Variants in COL12A1 observed in about 807,000 individuals in gnomAD.
The protein encoded by COL12A1 is collagen type XII alpha 1 chain.
Under a neutral mutation model 349.7 loss-of-function variants are expected in COL12A1, and 114 were observed. The observed-to-expected ratio is 0.33, with a 90% confidence interval of 0.28 to 0.38. The LOEUF (loss-of-function observed/expected upper bound fraction) is 0.38. Among genes scored for constraint, COL12A1 ranks in the 10% least tolerant of loss-of-function variants. The probability of loss-of-function intolerance (pLI) is 1.00; values close to 1 mark genes in which losing one functional copy is unlikely to be tolerated. For synonymous variants in COL12A1, 1,369 were observed against 1,329.0 expected (o/e 1.03, Z -0.66); for missense variants, 3,284 against 3,756.9 (o/e 0.87, Z 3.29).
Position 75,165,786 on chromosome 6 carries a change from C to G in COL12A1, c.2711-7G>C. ...TCTTGAGGAGAACCACGTTCTAGAA[C>G]AGAAATTAAAAGGGAATCTTTTTTA... On this transcript the variant is annotated splice_polypyrimidine_tract_variant and splice_region_variant and intron_variant, in intron 13 of 65. Coordinates refer to ENST00000322507, the MANE Select transcript of COL12A1 (RefSeq NM_004370.6). 6.2e-7 allele frequency: 1 copy of G among 1,610,022 alleles called. No individual in the cohort carries two copies. The highest frequency in any genetic ancestry group is 8.5e-7 in the Non-Finnish European group (1 of 1,178,102).
At chr6:75,124,503 G>T in intron 40 of COL12A1, 132 bp from the exon 41 acceptor site, 1 of 595,156 alleles carries the variant, frequency 1.7e-6, no homozygotes, top group Non-Finnish European at 2.8e-6. Flanking sequence ...TTCCTTATAA[G>T]AAACATACAT....
At chr6:75,199,807 T>A (rs1451010447) in intron 2 of COL12A1, among the ~76,000 whole-genome samples, 1 of 151,998 alleles carries the variant, frequency 6.6e-6, no homozygotes, top group Non-Finnish European at 1.5e-5. Flanking sequence ...CAAGATAACA[T>A]AGTATGAAAA....
intron 42 of COL12A1, 99 bp downstream of exon 42, chr6:75,123,849 A>G (rs566702098): frequency 1.6e-6 from 2 of 1,251,018 alleles, no homozygotes; most frequent in Admixed American, 4.8e-5. Context: ...TGCTACCCCT[A>G]CGGAGAGGTA....
chr6:75,131,886 AAACATGTGACTACATTCACCAGG>A, intron 35 of COL12A1, 31 bp downstream of exon 35: 2 of 1,597,314 alleles, frequency 1.3e-6, no homozygotes, highest in South Asian at 2.2e-5. Flanking sequence ...AACGTGACAC[AAACATGTGACTACATTCACCAGG>A]AAATGCAGTT....
At chr6:75,200,246 G>A (rs1478682780) in intron 2 of COL12A1, among the ~76,000 whole-genome samples, 2 of 152,172 alleles carry the variant, frequency 1.3e-5, no homozygotes, top group African/African-American at 4.8e-5. Context: ...GTCCGACACG[G>A]AAGCAACCAG....
At position 75,090,328 on chromosome 6, in the gene COL12A1, G is replaced by A; in HGVS notation, c.8753-30C>T. 6.3e-7 allele frequency: 1 copy of A among 1,579,632 alleles called. No individual in the cohort carries two copies. Among genetic ancestry groups the A allele is most frequent in the Non-Finnish European group, 8.6e-7 (1 of 1,156,582 alleles). On this transcript the variant is annotated intron_variant, in intron 62 of 65. Transcript: ENST00000322507. The surrounding 1 kb of genome is among the most constrained non-coding windows in gnomAD (Gnocchi z 4.1). ...AAGCAGAAATAAGGCTTGTTAGTAA[G>A]AAACCCAATAAAGGACGGATGAGAG...
chr6:75,155,826 GAGGTTTCT>G lies in COL12A1; in HGVS notation c.3271_3278del (p.Arg1091GlnfsTer4). On this transcript the variant is annotated frameshift_variant, in exon 16 of 66. Coordinates refer to ENST00000322507, the MANE Select transcript of COL12A1 (RefSeq NM_004370.6). LOFTEE classifies it high-confidence loss of function. Reference sequence around the variant, plus strand: ...TTGACATGGTTGGGTCAGATGTTTTGAGGTTTCTAGGAGACTTAAACCGAGAAGCTGTA... The same window carrying G: ...TTGACATGGTTGGGTCAGATGTTTTGAGGAGACTTAAACCGAGAAGCTGTA... 1 of 1,609,758 alleles carries G rather than the reference GAGGTTTCT, an allele frequency of 6.2e-7. No homozygotes were observed. The highest frequency in any genetic ancestry group is 8.5e-7 in the Non-Finnish European group (1 of 1,178,562).
intron 21 of COL12A1, 123 bp downstream of exon 21, chr6:75,151,018 C>T (rs1767451308): frequency 1.5e-6 from 1 of 674,538 alleles, no homozygotes; most frequent in Admixed American, 3.4e-5. Flanking sequence ...CCGGCAGAGG[C>T]CTTTCACACT....
intron 5 of COL12A1, among the ~76,000 whole-genome samples, chr6:75,190,900 G>A (rs1008189918): frequency 6.6e-6 from 1 of 151,822 alleles, no homozygotes; most frequent in South Asian, 2.1e-4. Flanking sequence ...GAAAATATTA[G>A]CATCTGAAAT....
chr6:75,183,615 C>T lies in COL12A1; in HGVS notation c.1326G>A (p.Val442=). ...TGCTATAGGAGCCATCAACCAAAAACACAATATCGGCTTTTATATCCACAC... is the reference window on the plus strand; with the variant it reads ...TGCTATAGGAGCCATCAACCAAAAATACAATATCGGCTTTTATATCCACAC... ...SRGVDIKADI[V]FLVDGSYSIG... is the part of the protein sequence containing the mutation. The change falls in exon 10 of 66, where the codon GTG becomes GTA. Residue 442 remains valine (V), a synonymous_variant. Transcript: ENST00000322507. The T allele has an allele frequency of 1.9e-6, 3 of 1,612,814 alleles. No homozygotes were observed. Among genetic ancestry groups the T allele is most frequent in the Non-Finnish European group, 2.5e-6 (3 of 1,179,690 alleles).
chr6:75,134,609 A>G, intron 32 of COL12A1, 117 bp downstream of exon 32: 3 of 917,926 alleles, frequency 3.3e-6, no homozygotes. Context: ...TATTATTTCT[A>G]AATGAATTTT....
Position 75,138,347 on chromosome 6 carries a change from GA to G in COL12A1, c.5231-8del. The G allele has an allele frequency of 1.2e-6, 2 of 1,610,636 alleles. No individual in the cohort carries two copies. The highest frequency in any genetic ancestry group is 1.7e-6 in the Non-Finnish European group (2 of 1,179,062). ...TGTGTTGTTAAGATAGGCACTAAAA[GA>G]AAACAGAATTTGGGAACACATTACT... On this transcript the variant is annotated splice_polypyrimidine_tract_variant and splice_region_variant and intron_variant, in intron 29 of 65. Coordinates refer to ENST00000322507, the MANE Select transcript of COL12A1 (RefSeq NM_004370.6).
rs761897026 is a variant in COL12A1, at chr6:75,154,542, A to T, written c.3444-5T>A. ...ACTTTATAGGTGGTACCAGCCCTAA[A>T]ATGTTAAAGTATATATATAGCCTGT... On this transcript the variant is annotated splice_region_variant and splice_polypyrimidine_tract_variant and intron_variant, in intron 16 of 65. Coordinates refer to ENST00000322507, the MANE Select transcript of COL12A1 (RefSeq NM_004370.6). The T allele has an allele frequency of 6.2e-7, 1 of 1,607,544 alleles. No homozygotes were observed. Among genetic ancestry groups the T allele is most frequent in the Non-Finnish European group, 8.5e-7 (1 of 1,176,164 alleles).
intron 53 of COL12A1, 120 bp downstream of exon 53, chr6:75,106,299 G>A (rs1395123167): frequency 4.0e-5 from 32 of 808,988 alleles, no homozygotes; most frequent in African/African-American, 1.4e-4. Flanking sequence ...CACACATTGC[G>A]TGTCTTTTAG....
At position 75,097,249 on chromosome 6, in the gene COL12A1, T is replaced by C. The variant is rs1562105188; in HGVS notation, c.8577+4A>G. ...CACAAAAATGAGACACATTTAGTTC[T>C]TACCGGCGGCCCTGGTGGGCCCCTG... On this transcript the variant is annotated splice_donor_region_variant and intron_variant, in intron 59 of 65. Coordinates refer to ENST00000322507, the MANE Select transcript of COL12A1 (RefSeq NM_004370.6). 11 of 1,613,620 alleles carry C rather than the reference T, an allele frequency of 6.8e-6. No homozygotes were observed. Among genetic ancestry groups the C allele is most frequent in the Non-Finnish European group, 8.5e-6 (10 of 1,179,652 alleles).
rs779895718 is a variant in COL12A1, at chr6:75,087,615, T to C, written c.9143A>G (p.Gln3048Arg). Residue 3048 changes from glutamine to arginine, a missense_variant, in exon 65 of 66, where the codon CAG becomes CGG. Physicochemically the swap from Gln to Arg is conservative, Grantham distance 43. Transcript: ENST00000322507. ...PGPPGYCDSS[Q>R]CASIPYNGQG... is the part of the protein sequence containing the mutation. ...CCCGTTGTATGGGATGCTGGCACAC[T>C]GAGAAGAATCACAGTATCCAGGAGG... 6.2e-7 allele frequency: 1 copy of C among 1,613,878 alleles called. No individual in the cohort carries two copies. The highest frequency in any genetic ancestry group is 1.7e-5 in the Admixed American group (1 of 59,964).
chr6:75,165,529 C>T lies in COL12A1; in HGVS notation c.2961G>A (p.Leu987=), dbSNP rs1768249986. 6.2e-7 allele frequency: 1 copy of T among 1,613,714 alleles called. No individual in the cohort carries two copies. The change falls in exon 14 of 66, where the codon TTG becomes TTA. Residue 987 remains leucine (L), a synonymous_variant. Transcript: ENST00000322507. ...TACATTCAGTTGTGGCATCTCCAGT[C>T]AAAGGTTCTCCTTCTCCACTGCTGT... ...ATYSSGEGEP[L]TGDATTELSQ... is the part of the protein sequence containing the mutation.
chr6:75,106,342 C>T, intron 53 of COL12A1, 77 bp downstream of exon 53: 1 of 1,252,546 alleles, frequency 8.0e-7, no homozygotes, highest in Non-Finnish European at 1.2e-6. Context: ...TGCAGTGCTA[C>T]TTCCTCTCCC....
Position 75,133,366 on chromosome 6 carries a change from G to C in COL12A1, c.5721C>G (p.Thr1907=). 6.2e-7 allele frequency: 1 copy of C among 1,613,004 alleles called. No individual in the cohort carries two copies. Among genetic ancestry groups the C allele is most frequent in the Non-Finnish European group, 8.5e-7 (1 of 1,179,468 alleles). The change falls in exon 34 of 66, where the codon ACC becomes ACG. Residue 1907 remains threonine (T), a synonymous_variant. Coordinates refer to ENST00000322507, the MANE Select transcript of COL12A1 (RefSeq NM_004370.6). ...CGGGAACTACAGTCACAGTGTATGAGGTATCTGGCTGCAGATTCCTAAGAA... is the reference window on the plus strand; with the variant it reads ...CGGGAACTACAGTCACAGTGTATGACGTATCTGGCTGCAGATTCCTAAGAA... The part of the protein sequence containing the change: ...YAILRNLQPD[T]SYTVTVVPVY...
Sources: allele counts gnomAD v4.1 joint callset (sites outside exome capture counted in the v4.1 genomes callset), GRCh38; gene constraint gnomAD v4.1.1; non-coding constraint Gnocchi (gnomAD v3.1); transcripts MANE v1.5; gene names NCBI Gene and HGNC (gene_info 2026-07-23, HGNC 2026-07-21).